The following JAKMIP2 variants were observed in gnomAD, a reference collection of about 807,000 sequenced individuals.
The protein encoded by JAKMIP2 is janus kinase and microtubule interacting protein 2.
JAKMIP2 carries 25 observed loss-of-function variants against 115.0 expected under a neutral mutation model. The ratio of observed to expected loss-of-function variants is 0.22; its 90% CI spans 0.16 to 0.30. The LOEUF is 0.30. Among genes scored for constraint, JAKMIP2 ranks in the 10% least tolerant of loss-of-function variants. The pLI, the probability that JAKMIP2 is intolerant of heterozygous loss-of-function variation, is 1.00. For missense variants in JAKMIP2, 642 were observed against 957.6 expected (o/e 0.67, Z 4.35); for synonymous variants, 334 against 343.6 (o/e 0.97, Z 0.31).
intron 1 of JAKMIP2, among the ~76,000 whole-genome samples, chr5:147,740,234 G>C (rs1754092617): frequency 6.6e-6 from 1 of 152,204 alleles, no homozygotes; most frequent in African/African-American, 2.4e-5. Context: ...TGAAAAGTGG[G>C]AATGTAGGCA....
At chr5:147,679,652 TTCCAATTAAACTTTG>T (rs1760157162) in intron 1 of JAKMIP2, among the ~76,000 whole-genome samples, 1 of 152,214 alleles carries the variant, frequency 6.6e-6, no homozygotes, top group Admixed American at 6.5e-5. Context: ...CATTGAACTA[TTCCAATTAAACTTTG>T]CAGACATTTA....
intron 21 of JAKMIP2, 129 bp from the exon 22 acceptor site, chr5:147,591,815 C>A: frequency 3.4e-6 from 2 of 586,412 alleles, no homozygotes; most frequent in Non-Finnish European, 6.0e-6. Context: ...TGATCTTATG[C>A]AAGTTACATC....
intron 5 of JAKMIP2, 142 bp downstream of exon 5, chr5:147,648,234 G>T: frequency 1.9e-6 from 1 of 536,036 alleles, no homozygotes. Context: ...TTTTGAGTGT[G>T]CCACTTTGTG....
chr5:147,766,378 G>GT (rs1455916512), intron 1 of JAKMIP2, among the ~76,000 whole-genome samples: 3 of 152,190 alleles, frequency 2.0e-5, no homozygotes, highest in South Asian at 2.1e-4. Flanking sequence ...AATAAGTGAT[G>GT]TTTTTTATCT....
At chr5:147,714,564 A>T (rs1752896988) in intron 1 of JAKMIP2, among the ~76,000 whole-genome samples, 1 of 152,226 alleles carries the variant, frequency 6.6e-6, no homozygotes, top group Admixed American at 6.5e-5. Context: ...ATGTTGGAAG[A>T]GCTAAAGGCT....
chr5:147,741,887 C>T (rs1232458480), intron 1 of JAKMIP2, among the ~76,000 whole-genome samples: 6 of 151,908 alleles, frequency 3.9e-5, no homozygotes, highest in African/African-American at 1.4e-4. Flanking sequence ...TGCTCTATGT[C>T]CCAACCTTAA....
chr5:147,641,632 G>T, intron 8 of JAKMIP2, 76 bp downstream of exon 8: 1 of 1,015,932 alleles, frequency 9.8e-7, no homozygotes, highest in Non-Finnish European at 1.5e-6. Flanking sequence ...TCACATCTTT[G>T]TAGGAAGATT....
chr5:147,645,511 G>T (rs1758091922), intron 5 of JAKMIP2, among the ~76,000 whole-genome samples: 2 of 152,206 alleles, frequency 1.3e-5, no homozygotes, highest in East Asian at 3.9e-4. Context: ...TATTTTAAAA[G>T]AAATTTTATC....
intron 12 of JAKMIP2, among the ~76,000 whole-genome samples, chr5:147,634,827 T>C (rs192538819): frequency 6.6e-6 from 1 of 152,326 alleles, no homozygotes; most frequent in East Asian, 1.9e-4. Context: ...CAAGCATCTT[T>C]TTCCTCCTTC....
At position 147,782,395 on chromosome 5, in the gene JAKMIP2, A is replaced by G. The variant is rs1378100046; in HGVS notation, c.-149+61T>C. 5 of 1,505,230 alleles carry G rather than the reference A, an allele frequency of 3.3e-6. No homozygotes were observed. In the Admixed American group the frequency reaches 9.8e-5, roughly 30 times the overall value. 93.2% of individuals were successfully genotyped at this position (1,505,230 alleles called of 1,614,324 possible). ...TTGTTCAAGTTCAGGCCAGAAATGT[A>G]TACACAGGTCAAATAAGAACACTCT... On this transcript the variant is annotated intron_variant, in intron 1 of 21. Transcript: ENST00000616793.
chr5:147,632,839 G>T, intron 12 of JAKMIP2, 61 bp from the exon 13 acceptor site: 1 of 1,027,946 alleles, frequency 9.7e-7, no homozygotes, highest in Middle Eastern at 2.1e-4. Flanking sequence ...ACTTTGCAAA[G>T]CATGAATAGT....
At chr5:147,688,185 G>C (rs1046718193) in intron 1 of JAKMIP2, among the ~76,000 whole-genome samples, 2 of 152,292 alleles carry the variant, frequency 1.3e-5, no homozygotes, top group East Asian at 1.9e-4. Flanking sequence ...TTGCTGTCCA[G>C]AGCATTATGA....
chr5:147,752,898 C>T (rs1042652773), intron 1 of JAKMIP2, among the ~76,000 whole-genome samples: 1 of 152,124 alleles, frequency 6.6e-6, no homozygotes. Flanking sequence ...GGAGGGGCAG[C>T]TTTGTGGGAA....
rs189446121 is a variant in JAKMIP2 at position 147,601,692 on chromosome 5, T to A, written c.*20+49A>T. The stretch of plus-strand genomic sequence containing the variant: ...TAGTAACTATAGGTAACATCCTTTT[T>A]ATCAAATACCTCTTAGAACCACATT... On this transcript the variant is annotated intron_variant, in intron 21 of 21. Transcript: ENST00000616793. The A allele has an allele frequency of 4.9e-3, 6,622 of 1,346,116 alleles. 34 individuals carry two copies. Among genetic ancestry groups the A allele is most frequent in the Middle Eastern group, 0.015 (80 of 5,278 alleles). 83.4% of individuals were successfully genotyped at this position (1,346,116 alleles called of 1,614,324 possible). A position where few individuals can be genotyped will look rare whatever the true frequency, so the allele number is the denominator to read the frequency against.
intron 20 of JAKMIP2, among the ~76,000 whole-genome samples, chr5:147,610,476 AC>A (rs983860220): frequency 5.0e-4 from 76 of 152,166 alleles, no homozygotes; most frequent in African/African-American, 1.7e-3. Flanking sequence ...CTGGGGGTCC[AC>A]TCCAGACTCT....
At chr5:147,621,486 T>C (rs983211920) in intron 17 of JAKMIP2, among the ~76,000 whole-genome samples, 3 of 152,190 alleles carry the variant, frequency 2.0e-5, no homozygotes, top group African/African-American at 7.2e-5. Context: ...CGTGTATCTG[T>C]ATGGAGTAAT....
At chr5:147,652,955 G>GTTC (rs1207968570) in intron 3 of JAKMIP2, among the ~76,000 whole-genome samples, 1 of 152,102 alleles carries the variant, frequency 6.6e-6, no homozygotes, top group Non-Finnish European at 1.5e-5. Context: ...GGAACATGCA[G>GTTC]TGTTTGGTTT....
chr5:147,636,853 T>A, intron 11 of JAKMIP2, 112 bp downstream of exon 11: 1 of 791,836 alleles, frequency 1.3e-6, no homozygotes, highest in South Asian at 1.3e-5. Flanking sequence ...TCGAGAAAGA[T>A]CACTGTGGAG....
chr5:147,759,147 C>T (rs746592718), intron 1 of JAKMIP2, among the ~76,000 whole-genome samples: 7 of 151,354 alleles, frequency 4.6e-5, no homozygotes, highest in Non-Finnish European at 1.0e-4. Context: ...CATGCCCATA[C>T]CAGAAGATGT....
Sources: allele counts gnomAD v4.1 joint callset (sites outside exome capture counted in the v4.1 genomes callset), GRCh38; gene constraint gnomAD v4.1.1; transcripts MANE v1.5; gene names NCBI Gene and HGNC (gene_info 2026-07-23, HGNC 2026-07-21).